The following TSNARE1 variants were observed in gnomAD, a reference collection of about 807,000 sequenced individuals.
TSNARE1 encodes the protein t-SNARE domain containing 1.
In TSNARE1, 49 loss-of-function variants were observed where a neutral mutation model predicts 62.0. That is an observed-to-expected ratio of 0.79 (90% confidence interval 0.63 to 1.00). The LOEUF (loss-of-function observed/expected upper bound fraction) is 1.00. TSNARE1 is among the 50% of genes least tolerant of loss of function. The pLI is 0.00. For synonymous variants in TSNARE1, 328 were observed against 294.4 expected (o/e 1.11, Z -1.17); for missense variants, 755 against 700.1 (o/e 1.08, Z -0.88).
chr8:142,277,495 A>C (rs1212499555), intron 11 of TSNARE1: 1 of 985,300 alleles, frequency 1.0e-6, no homozygotes, highest in East Asian at 1.1e-4. Flanking sequence ...TGCAGAGCGG[A>C]AAGCATGGCC....
At chr8:142,365,602 GCACACACACA>G (rs1554674591) in intron 1 of TSNARE1, among the ~76,000 whole-genome samples, 2 of 144,404 alleles carry the variant, frequency 1.4e-5, no homozygotes, top group Non-Finnish European at 3.0e-5. Context: ...ACATGCACAC[GCACACACACA>G]CACACACACA....
intron 1 of TSNARE1, among the ~76,000 whole-genome samples, chr8:142,392,874 A>C (rs1837634229): frequency 6.6e-6 from 1 of 150,534 alleles, no homozygotes; most frequent in Non-Finnish European, 1.5e-5. Context: ...TGGGAGGTGG[A>C]GGTTGCGGTG....
At chr8:142,255,088 G>C (rs1334105541) in intron 12 of TSNARE1, among the ~76,000 whole-genome samples, 1 of 152,056 alleles carries the variant, frequency 6.6e-6, no homozygotes, top group Admixed American at 6.5e-5. Context: ...CAAGAGGAGA[G>C]CTCTCAGATA....
chr8:142,234,862 C>T (rs1346920833), intron 12 of TSNARE1, among the ~76,000 whole-genome samples: 1 of 151,800 alleles, frequency 6.6e-6, no homozygotes, highest in Non-Finnish European at 1.5e-5. Context: ...CCCTCGTCCC[C>T]CCACAACATC....
chr8:142,297,240 C>T (rs1443439965), intron 10 of TSNARE1, among the ~76,000 whole-genome samples: 1 of 152,210 alleles, frequency 6.6e-6, no homozygotes, highest in Admixed American at 6.5e-5. Flanking sequence ...GCCATCTGTC[C>T]CAGTGGACAG....
intron 4 of TSNARE1, among the ~76,000 whole-genome samples, chr8:142,337,469 A>G (rs1051434810): frequency 6.6e-6 from 1 of 152,246 alleles, no homozygotes; most frequent in African/African-American, 2.4e-5. Flanking sequence ...AGGCTGTGCT[A>G]TGTCCAAAGA....
chr8:142,397,976 G>A (rs542555732), intron 1 of TSNARE1, among the ~76,000 whole-genome samples: 1 of 152,156 alleles, frequency 6.6e-6, no homozygotes, highest in East Asian at 1.9e-4. Flanking sequence ...TCCCTGCTCA[G>A]CACCAACAGC....
chr8:142,293,215 A>G (rs1049694056), intron 10 of TSNARE1, among the ~76,000 whole-genome samples: 4 of 152,204 alleles, frequency 2.6e-5, no homozygotes, highest in Non-Finnish European at 5.9e-5. Context: ...CTAACCCCTT[A>G]GCGTACAGTG....
chr8:142,226,334 T>C (rs1219261290), intron 13 of TSNARE1, among the ~76,000 whole-genome samples: 1 of 152,166 alleles, frequency 6.6e-6, no homozygotes, highest in Non-Finnish European at 1.5e-5. Flanking sequence ...ACATGCAGCC[T>C]GCGTCACAGA....
In TSNARE1 at chr8:142,344,045, C is replaced by G; in HGVS notation, c.666G>C (p.Thr222=). The G allele has an allele frequency of 6.3e-7, 1 of 1,590,060 alleles. No homozygotes were observed. Among genetic ancestry groups the G allele is most frequent in the Non-Finnish European group, 8.6e-7 (1 of 1,166,102 alleles). The change falls in exon 4 of 14, where the codon ACG becomes ACC. Residue 222 remains threonine, a synonymous_variant. Transcript: ENST00000524325. ...GSGKPQALAL[T]PVEQVVAKTF... ...TCTTGGCCACCACCTGCTCCACGGG[C>G]GTGAGAGCCAGGGCCTGGGGCTTGC...
intron 10 of TSNARE1, among the ~76,000 whole-genome samples, chr8:142,285,377 T>C (rs1822540537): frequency 7.5e-6 from 1 of 133,058 alleles, no homozygotes; most frequent in African/African-American, 2.8e-5. Context: ...GGTAGATGTA[T>C]GGATGGGTGA....
intron 1 of TSNARE1, among the ~76,000 whole-genome samples, chr8:142,360,502 G>A (rs1449741524): frequency 6.6e-6 from 1 of 152,142 alleles, no homozygotes; most frequent in Non-Finnish European, 1.5e-5. Flanking sequence ...CCTCAATGAG[G>A]CCGGACGGAG....
chr8:142,263,043 T>A (rs1015641554), intron 12 of TSNARE1, among the ~76,000 whole-genome samples: 1 of 152,204 alleles, frequency 6.6e-6, no homozygotes, highest in East Asian at 1.9e-4. Flanking sequence ...TTCCAGTCTT[T>A]ACATATGATT....
intron 1 of TSNARE1, among the ~76,000 whole-genome samples, chr8:142,358,061 C>T (rs1834886478): frequency 8.4e-6 from 1 of 119,068 alleles, no homozygotes; most frequent in Non-Finnish European, 1.7e-5. Flanking sequence ...GCGGCCATCA[C>T]TGCAAAGGGC....
At chr8:142,309,036 G>A (rs986576687) in intron 9 of TSNARE1, among the ~76,000 whole-genome samples, 13 of 152,072 alleles carry the variant, frequency 8.5e-5, no homozygotes, top group African/African-American at 3.1e-4. Flanking sequence ...AGAATTTTTT[G>A]AAGAAATTTA....
At chr8:142,278,017 T>C (rs958474310) in intron 11 of TSNARE1, 1 of 985,326 alleles carries the variant, frequency 1.0e-6, no homozygotes. Flanking sequence ...CAGGAGACAA[T>C]GTGGCCTCAA....
chr8:142,284,224 C>T (rs1434959928), intron 11 of TSNARE1, among the ~76,000 whole-genome samples, 189 bp downstream of exon 11: 3 of 152,182 alleles, frequency 2.0e-5, no homozygotes, highest in Middle Eastern at 3.2e-3. Flanking sequence ...CTAGTGGCAA[C>T]GAGCGGAGCA....
At chr8:142,237,819 T>C (rs1454505125) in intron 12 of TSNARE1, among the ~76,000 whole-genome samples, 1 of 152,164 alleles carries the variant, frequency 6.6e-6, no homozygotes, top group African/African-American at 2.4e-5. Context: ...GAACCATGCT[T>C]GCAGTGGCTG....
intron 12 of TSNARE1, 131 bp from the exon 13 acceptor site, chr8:142,229,710 G>A (rs185272225): frequency 1.0e-4 from 74 of 709,972 alleles, no homozygotes; most frequent in East Asian, 4.6e-4. Context: ...GGTCCAGAGA[G>A]AACCTGTGTC....
Sources: gnomAD v4.1 joint callset for allele counts (sites outside exome capture counted in the v4.1 genomes callset) on GRCh38, gnomAD v4.1.1 for gene constraint, MANE v1.5 for transcripts, NCBI Gene and HGNC (gene_info 2026-07-23, HGNC 2026-07-21) for gene names.